Variants in STPG4 observed in about 807,000 individuals in gnomAD.
STPG4 encodes protein STPG4.
Under a neutral mutation model 31.5 loss-of-function variants are expected in STPG4, and 41 were observed. The ratio of observed to expected loss-of-function variants is 1.30; its 90% CI spans 1.01 to 1.69. STPG4 has a LOEUF of 1.69. Among genes scored for constraint, STPG4 ranks in the 40% most tolerant of loss-of-function variants. The probability of loss-of-function intolerance (pLI) is 0.00; values close to 1 mark genes in which losing one functional copy is unlikely to be tolerated. For synonymous variants in STPG4, 141 were observed against 103.0 expected (o/e 1.37, Z -2.24); for missense variants, 375 against 293.4 (o/e 1.28, Z -2.03).
At chr2:47,103,010 G>C (rs768065627) in intron 5 of STPG4, among the ~76,000 whole-genome samples, 1 of 151,874 alleles carries the variant, frequency 6.6e-6, no homozygotes, top group Non-Finnish European at 1.5e-5. Context: ...TGCAGCCCGA[G>C]AGTTTGGAGA....
chr2:47,113,937 G>C (rs77600064), intron 5 of STPG4, among the ~76,000 whole-genome samples: 1 of 151,982 alleles, frequency 6.6e-6, no homozygotes, highest in African/African-American at 2.4e-5. Flanking sequence ...GGGAGGCTGA[G>C]GCAGGAGAAT....
chr2:47,142,835 TC>T lies in STPG4; in HGVS notation c.399+8422del, dbSNP rs1454186628. Among the ~76,000 whole-genome samples the T allele has an allele frequency of 2.3e-5, 3 of 132,896 alleles. No individual in the cohort carries two copies. In the East Asian group the frequency reaches 6.8e-4, roughly 30 times the overall value. The allele number at this position is 132,896 out of a possible 152,430, so 87.2% of individuals were successfully genotyped here. On this transcript the variant is annotated intron_variant, in intron 3 of 6. Transcript: ENST00000445927. The stretch of plus-strand genomic sequence containing the variant: ...TATCAACACATATAGATTTATCTCA[TC>T]TTTTTTTTTTTTTTTTTTTTTTTTG...
chr2:47,109,996 C>A (rs1257413813), intron 5 of STPG4, among the ~76,000 whole-genome samples: 1 of 144,920 alleles, frequency 6.9e-6, no homozygotes, highest in Admixed American at 6.7e-5. Context: ...CTTTATAGGC[C>A]TGTCAGGTTT....
chr2:47,095,553 C>A (rs1211064066), intron 5 of STPG4, among the ~76,000 whole-genome samples: 2 of 152,166 alleles, frequency 1.3e-5, no homozygotes, highest in Non-Finnish European at 2.9e-5. Context: ...ACAACAAATA[C>A]CCAGTCTGTG....
rs532507343 is a variant in STPG4, at chr2:47,114,269, C to G, written c.519+15672G>C. 2.0e-5 allele frequency among the ~76,000 whole-genome samples: 3 copies of G among 152,088 alleles called. No homozygotes were observed. In the East Asian group the frequency reaches 5.8e-4, roughly 30 times the overall value. On this transcript the variant is annotated intron_variant, in intron 5 of 6. Transcript: ENST00000445927. ...CCTGTAATCCCAGCACTTTGGAAGT[C>G]TGAGGTGGGCAGATCGCTTGAGGCC...
intron 5 of STPG4, among the ~76,000 whole-genome samples, chr2:47,116,473 G>A (rs1686154704): frequency 6.6e-6 from 1 of 152,106 alleles, no homozygotes; most frequent in Non-Finnish European, 1.5e-5. Flanking sequence ...TCCCAACATA[G>A]CAACTCTGTA....
At chr2:47,126,563 G>A (rs1408535073) in intron 5 of STPG4, among the ~76,000 whole-genome samples, 1 of 152,152 alleles carries the variant, frequency 6.6e-6, no homozygotes, top group Non-Finnish European at 1.5e-5. Flanking sequence ...CTGGACTCAA[G>A]CAATCCTCCT....
intron 3 of STPG4, among the ~76,000 whole-genome samples, chr2:47,139,195 A>G (rs536817203): frequency 6.2e-4 from 95 of 152,344 alleles, no homozygotes; most frequent in South Asian, 8.3e-4. Flanking sequence ...AGGGGTATTT[A>G]TACTGAAGTC....
intron 5 of STPG4, among the ~76,000 whole-genome samples, chr2:47,124,448 T>C (rs1055100262): frequency 6.6e-6 from 1 of 152,198 alleles, no homozygotes; most frequent in African/African-American, 2.4e-5. Flanking sequence ...GTATCCATCC[T>C]TCTACTCTCT....
rs1685546602 is a variant in STPG4, at chr2:47,090,366, G to T, written c.528C>A (p.Gly176=). 1 of 1,549,366 alleles carries T rather than the reference G, an allele frequency of 6.5e-7. No homozygotes were observed. The highest frequency in any genetic ancestry group is 1.2e-5 in the South Asian group (1 of 83,900). Residue 176 remains glycine, a synonymous_variant, in exon 6 of 7, where the codon GGC becomes GGA. Coordinates refer to ENST00000445927, the MANE Select transcript of STPG4 (RefSeq NM_001163561.2). The part of the protein sequence containing the change: ...FPTTYFIPHE[G]PGPGHYNVKM... ...TCACATTATAATGACCTGGACCAGG[G>T]CCTTCATGCTATTGAACATTTAAAA... is the stretch of plus-strand genomic sequence containing the variant.
At chr2:47,099,042 G>C (rs1160074828) in intron 5 of STPG4, among the ~76,000 whole-genome samples, 1 of 152,326 alleles carries the variant, frequency 6.6e-6, no homozygotes, top group Middle Eastern at 3.4e-3. Context: ...CCTTGGTACT[G>C]TTTATTTCTG....
intron 5 of STPG4, among the ~76,000 whole-genome samples, chr2:47,104,523 C>T (rs1192696988): frequency 6.6e-6 from 1 of 152,004 alleles, no homozygotes; most frequent in African/African-American, 2.4e-5. Flanking sequence ...TCAAGGATGC[C>T]TTCTTCTGTA....
At chr2:47,147,115 G>A (rs538256552) in intron 3 of STPG4, among the ~76,000 whole-genome samples, 33 of 152,164 alleles carry the variant, frequency 2.2e-4, no homozygotes, top group Non-Finnish European at 4.3e-4. Flanking sequence ...CTGTAGCCTC[G>A]GTGACAGTGT....
At chr2:47,107,185 A>C (rs370361727) in intron 5 of STPG4, among the ~76,000 whole-genome samples, 28 of 151,910 alleles carry the variant, frequency 1.8e-4, no homozygotes, top group Non-Finnish European at 2.8e-4. Context: ...GGCGGCACTT[A>C]AGGAGCCCTT....
At chr2:47,116,885 T>C (rs1686164028) in intron 5 of STPG4, among the ~76,000 whole-genome samples, 1 of 152,014 alleles carries the variant, frequency 6.6e-6, no homozygotes, top group Non-Finnish European at 1.5e-5. Context: ...ACCTGTGGAG[T>C]TTCAGGCATT....
At chr2:47,153,770 C>T (rs745548623) in intron 1 of STPG4, among the ~76,000 whole-genome samples, 4 of 151,924 alleles carry the variant, frequency 2.6e-5, no homozygotes, top group Admixed American at 6.6e-5. Flanking sequence ...CAAGAAGCCA[C>T]CTCAGGGGGA....
At chr2:47,087,758 T>C (rs1363944777) in intron 6 of STPG4, among the ~76,000 whole-genome samples, 2 of 152,162 alleles carry the variant, frequency 1.3e-5, no homozygotes, top group East Asian at 1.9e-4. Context: ...TTTATTTATA[T>C]ATTTTTTTGA....
intron 6 of STPG4, among the ~76,000 whole-genome samples, chr2:47,087,354 A>ACAGGC (rs1685478081): frequency 6.6e-6 from 1 of 152,242 alleles, no homozygotes; most frequent in South Asian, 2.1e-4. Context: ...AGGGGGGCTA[A>ACAGGC]CAGGCCAGGC....
intron 5 of STPG4, among the ~76,000 whole-genome samples, chr2:47,113,730 T>C (rs1235927425): frequency 6.6e-6 from 1 of 152,152 alleles, no homozygotes; most frequent in Non-Finnish European, 1.5e-5. Context: ...GTGACAATCC[T>C]TAAAAAGTGA....
Sources: gnomAD v4.1 joint callset for allele counts (sites outside exome capture counted in the v4.1 genomes callset) on GRCh38, gnomAD v4.1.1 for gene constraint, MANE v1.5 for transcripts, NCBI Gene and HGNC (gene_info 2026-07-23, HGNC 2026-07-21) for gene names.